The following TNNI3K variants were observed in gnomAD, a reference collection of about 807,000 sequenced individuals.
TNNI3K encodes the protein TNNI3 interacting kinase, also known as serine/threonine-protein kinase TNNI3K.
A neutral mutation model predicts 114.5 loss-of-function variants in TNNI3K; 140 were observed. The observed-to-expected ratio is 1.22, with a 90% CI of 1.07 to 1.41. TNNI3K has a LOEUF of 1.41. TNNI3K is among the 40% of genes most tolerant of loss of function. TNNI3K has a pLI of 0.00. For missense variants in TNNI3K, 1,125 were observed against 1,007.6 expected, an observed-to-expected ratio of 1.12 and a Z score of -1.58; for synonymous variants, 347 against 347.5, an observed-to-expected ratio of 1.00 and a Z score of 0.02.
At chr1:74,262,659 AT>A (rs1420803035) in intron 4 of TNNI3K, among the ~76,000 whole-genome samples, 1 of 152,090 alleles carries the variant, frequency 6.6e-6, no homozygotes, top group African/African-American at 2.4e-5. Context: ...ACTAGAGAAA[AT>A]TTTTACTCAT....
At chr1:74,428,088 G>A (rs1391536498) in intron 17 of TNNI3K, among the ~76,000 whole-genome samples, 1 of 151,986 alleles carries the variant, frequency 6.6e-6, no homozygotes, top group Non-Finnish European at 1.5e-5. Context: ...ACAGGTTGAA[G>A]TTTGTTTTAG....
intron 17 of TNNI3K, among the ~76,000 whole-genome samples, chr1:74,434,222 AC>A (rs1275982199): frequency 1.3e-5 from 2 of 152,030 alleles, no homozygotes; most frequent in Non-Finnish European, 2.9e-5. Context: ...GCAATTCAAC[AC>A]CACTTTCACC....
At chr1:74,537,204 C>T (rs1646670165) in intron 23 of TNNI3K, among the ~76,000 whole-genome samples, 1 of 152,136 alleles carries the variant, frequency 6.6e-6, no homozygotes, top group Non-Finnish European at 1.5e-5. Context: ...TATTTATTTC[C>T]TATTATCTTG....
At chr1:74,514,442 T>C (rs758537948) in intron 23 of TNNI3K, among the ~76,000 whole-genome samples, 4 of 152,214 alleles carry the variant, frequency 2.6e-5, no homozygotes, top group South Asian at 4.1e-4. Context: ...TCCATTTTAA[T>C]AGAAATTGCT....
intron 10 of TNNI3K, 94 bp from the exon 11 acceptor site, chr1:74,353,886 A>G (rs1386123706): frequency 6.9e-7 from 1 of 1,455,726 alleles, no homozygotes; most frequent in Non-Finnish European, 9.2e-7. Flanking sequence ...ACCTTTGGAA[A>G]TAATGCTATT....
At chr1:74,327,891 T>C (rs892951552) in intron 5 of TNNI3K, among the ~76,000 whole-genome samples, 4 of 151,106 alleles carry the variant, frequency 2.6e-5, no homozygotes, top group Non-Finnish European at 5.9e-5. Context: ...AGTTATTTTT[T>C]TCTGAGAAAA....
At chr1:74,398,608 G>A (rs1224375615) in intron 17 of TNNI3K, among the ~76,000 whole-genome samples, 1 of 152,180 alleles carries the variant, frequency 6.6e-6, no homozygotes, top group Non-Finnish European at 1.5e-5. Context: ...CTCTCAGGCT[G>A]GGTGGAGGCC....
At chr1:74,300,297 A>G (rs1301896519) in intron 5 of TNNI3K, among the ~76,000 whole-genome samples, 2 of 152,212 alleles carry the variant, frequency 1.3e-5, no homozygotes, top group Admixed American at 6.5e-5. Context: ...AGACACCTAC[A>G]TATGTGCTCA....
At chr1:74,430,106 A>C (rs1665822203) in intron 17 of TNNI3K, among the ~76,000 whole-genome samples, 1 of 152,132 alleles carries the variant, frequency 6.6e-6, no homozygotes, top group African/African-American at 2.4e-5. Context: ...GAAAGTAGCA[A>C]GTCACCTTGA....
chr1:74,376,274 TA>T (rs975364040), intron 17 of TNNI3K, among the ~76,000 whole-genome samples: 16 of 151,850 alleles, frequency 1.1e-4, no homozygotes, highest in South Asian at 8.3e-4. Flanking sequence ...TTCCTGCATG[TA>T]AAAAAAACAC....
chr1:74,470,954 A>G, intron 21 of TNNI3K: 1 of 400,726 alleles, frequency 2.5e-6, no homozygotes, highest in Non-Finnish European at 4.4e-6. Flanking sequence ...GAATGTTGGA[A>G]TGGTAAAACA....
intron 3 of TNNI3K, among the ~76,000 whole-genome samples, 159 bp from the exon 4 acceptor site, chr1:74,250,509 TAGTA>T (rs1156432281): frequency 1.3e-5 from 2 of 152,328 alleles, no homozygotes; most frequent in Admixed American, 6.5e-5. Flanking sequence ...AAATATCCCC[TAGTA>T]AGTAAGGTTG....
chr1:74,239,863 C>A, intron 2 of TNNI3K: 1 of 447,740 alleles, frequency 2.2e-6, no homozygotes, highest in South Asian at 1.6e-5. Flanking sequence ...GGAATGGGAG[C>A]TTGATGTGGG....
chr1:74,532,232 G>A (rs759519433), intron 23 of TNNI3K, among the ~76,000 whole-genome samples: 31 of 152,272 alleles, frequency 2.0e-4, no homozygotes, highest in Admixed American at 9.2e-4. Flanking sequence ...GTAACAGCAA[G>A]CAATTGTTGG....
chr1:74,438,031 TAATA>T (rs1324195569), intron 19 of TNNI3K, among the ~76,000 whole-genome samples: 11 of 151,694 alleles, frequency 7.3e-5, no homozygotes, highest in African/African-American at 2.4e-4. Flanking sequence ...AGCACAGCAC[TAATA>T]AATAAATAAA....
At chr1:74,519,778 T>C (rs1018523516) in intron 23 of TNNI3K, among the ~76,000 whole-genome samples, 1 of 152,156 alleles carries the variant, frequency 6.6e-6, no homozygotes, top group Non-Finnish European at 1.5e-5. Context: ...AGATATGTTA[T>C]AGTCAAGCCA....
At chr1:74,465,451 C>A (rs989685709) in intron 21 of TNNI3K, among the ~76,000 whole-genome samples, 2 of 152,202 alleles carry the variant, frequency 1.3e-5, no homozygotes, top group Admixed American at 6.5e-5. Context: ...TGCTGGCCCG[C>A]CCGCACCGTG....
intron 23 of TNNI3K, among the ~76,000 whole-genome samples, chr1:74,540,025 C>A (rs942761815): frequency 2.6e-5 from 4 of 152,088 alleles, no homozygotes; most frequent in African/African-American, 9.7e-5. Flanking sequence ...AAATTGTAAC[C>A]TATGCTTAAG....
chr1:74,499,748 T>C (rs1669514403), intron 23 of TNNI3K, among the ~76,000 whole-genome samples: 1 of 152,148 alleles, frequency 6.6e-6, no homozygotes. Flanking sequence ...AGATCTGACA[T>C]CTTTATAATA....
Sources: allele counts gnomAD v4.1 joint callset (sites outside exome capture counted in the v4.1 genomes callset), GRCh38; gene constraint gnomAD v4.1.1; transcripts MANE v1.5; gene names NCBI Gene and HGNC (gene_info 2026-07-23, HGNC 2026-07-21).